Variants in CCDC170 observed in about 807,000 individuals in gnomAD.
CCDC170 encodes the protein coiled-coil domain containing 170, also known as coiled-coil domain-containing protein 170.
Under a neutral mutation model 72.6 loss-of-function variants are expected in CCDC170, and 69 were observed. The observed-to-expected ratio is 0.95, with a 90% CI of 0.78 to 1.16. CCDC170 has a LOEUF of 1.16. Among genes scored for constraint, CCDC170 ranks in the 50% most tolerant of loss-of-function variants. The pLI is 0.00. For synonymous variants in CCDC170, 300 were observed against 303.9 expected (o/e 0.99, Z 0.13); for missense variants, 852 against 832.5 (o/e 1.02, Z -0.29).
intron 5 of CCDC170, among the ~76,000 whole-genome samples, chr6:151,562,671 G>T (rs1776058865): frequency 6.6e-6 from 1 of 152,132 alleles, no homozygotes; most frequent in African/African-American, 2.4e-5. Flanking sequence ...TTATTTTGTG[G>T]AATAGCACTA....
chr6:151,543,779 T>C (rs1782730020), intron 3 of CCDC170, among the ~76,000 whole-genome samples: 2 of 152,234 alleles, frequency 1.3e-5, no homozygotes, highest in Non-Finnish European at 2.9e-5. Context: ...GGTTCATCCA[T>C]ATTGCCACTC....
chr6:151,592,097 C>T (rs1019914678), intron 7 of CCDC170, among the ~76,000 whole-genome samples: 2 of 152,078 alleles, frequency 1.3e-5, no homozygotes, highest in Admixed American at 6.5e-5. Flanking sequence ...GTGGCTCATG[C>T]CTGTAATCCT....
rs186791663 is a variant in CCDC170 at position 151,551,668 on chromosome 6, G to A, written c.774+3179G>A. 2.6e-5 allele frequency among the ~76,000 whole-genome samples: 4 copies of A among 152,234 alleles called. No homozygotes were observed. In the East Asian group the frequency reaches 5.8e-4, roughly 22 times the overall value. On this transcript the variant is annotated intron_variant, in intron 5 of 10. Coordinates refer to ENST00000239374, the MANE Select transcript of CCDC170 (RefSeq NM_025059.4). Reference sequence around the variant, plus strand: ...CTTAGCCTCCTCTCGGGAGGCCCACGTGGTAAGGACCTGAGGCCTGTCAGC... The same window carrying A: ...CTTAGCCTCCTCTCGGGAGGCCCACATGGTAAGGACCTGAGGCCTGTCAGC...
At chr6:151,615,397 C>T (rs1419388848) in intron 9 of CCDC170, 46 bp from the exon 10 acceptor site, 1 of 1,329,472 alleles carries the variant, frequency 7.5e-7, no homozygotes, top group African/African-American at 1.5e-5. Context: ...TACAGTTTTC[C>T]TAACTAAATA....
rs779759710 is a variant in CCDC170, at chr6:151,575,774, C to T, written c.1092+2283C>T. ...CGATCTCTTGACCTTGTGATCCACC[C>T]GCCTCGGCCTCCCAAAGTGCTGGGA... On this transcript the variant is annotated intron_variant, in intron 6 of 10. Coordinates refer to ENST00000239374, the MANE Select transcript of CCDC170 (RefSeq NM_025059.4). 4.0e-4 allele frequency among the ~76,000 whole-genome samples: 61 copies of T among 151,972 alleles called. 1 individual carries two copies. Among genetic ancestry groups the T allele is most frequent in the Non-Finnish European group, 7.8e-4 (53 of 67,976 alleles).
intron 9 of CCDC170, among the ~76,000 whole-genome samples, chr6:151,609,659 G>A (rs752300458): frequency 1.5e-4 from 23 of 152,234 alleles, no homozygotes; most frequent in African/African-American, 4.8e-4. Context: ...ACAGTCTCTC[G>A]CTGAACTCTG....
chr6:151,534,868 C>T (rs1782552359), intron 1 of CCDC170, among the ~76,000 whole-genome samples: 2 of 152,210 alleles, frequency 1.3e-5, no homozygotes, highest in Admixed American at 1.3e-4. Flanking sequence ...ATCGCTGAGC[C>T]TCCTGAGGCC....
At chr6:151,518,616 T>C (rs1782269934) in intron 1 of CCDC170, among the ~76,000 whole-genome samples, 1 of 152,226 alleles carries the variant, frequency 6.6e-6, no homozygotes, top group South Asian at 2.1e-4. Flanking sequence ...ATTTCTTGAT[T>C]ATGTGATAAA....
At chr6:151,607,273 T>C (rs542744449) in intron 9 of CCDC170, among the ~76,000 whole-genome samples, 7 of 152,286 alleles carry the variant, frequency 4.6e-5, no homozygotes, top group African/African-American at 1.4e-4. Context: ...TTTAAACTAT[T>C]TACATTCAAG....
chr6:151,555,718 T>G (rs1438888114), intron 5 of CCDC170, among the ~76,000 whole-genome samples: 1 of 152,244 alleles, frequency 6.6e-6, no homozygotes, highest in African/African-American at 2.4e-5. Context: ...TACTCACTTG[T>G]GAAATTTCAC....
intron 4 of CCDC170, among the ~76,000 whole-genome samples, chr6:151,546,253 G>T (rs957158745): frequency 6.6e-6 from 1 of 152,158 alleles, no homozygotes; most frequent in African/African-American, 2.4e-5. Flanking sequence ...GGTGCTGGAT[G>T]CCTCTCCTCC....
chr6:151,593,250 C>A lies in CCDC170; in HGVS notation c.1437C>A (p.Asn479Lys), dbSNP rs35159094. The A allele has an allele frequency of 5.4e-3, 8,705 of 1,614,040 alleles. 367 individuals carry two copies. The African/African-American group carries it at 0.094, about 18-fold the overall frequency. ...TTGAGAGCAATGCAGTCATTGAGAA[C>A]AAGACCATTGCCCACAATTTGCAGA... ...VRLESNAVIE[N>K]KTIAHNLQRK... The change falls in exon 8 of 11, where the codon AAC becomes AAA. Residue 479 changes from asparagine to lysine, a missense_variant. Transcript: ENST00000239374.
intron 1 of CCDC170, among the ~76,000 whole-genome samples, chr6:151,520,062 C>T (rs528897245): frequency 6.6e-6 from 1 of 152,310 alleles, no homozygotes; most frequent in East Asian, 1.9e-4. Flanking sequence ...CCTCATTTTA[C>T]CCAGCCCCTA....
intron 1 of CCDC170, among the ~76,000 whole-genome samples, chr6:151,510,108 C>G (rs1387463138): frequency 1.3e-5 from 2 of 152,150 alleles, no homozygotes; most frequent in African/African-American, 4.8e-5. Context: ...GAAAGAGACT[C>G]CGTCTCAAAA....
At chr6:151,595,533 C>T (rs1776608264) in intron 8 of CCDC170, among the ~76,000 whole-genome samples, 1 of 152,118 alleles carries the variant, frequency 6.6e-6, no homozygotes, top group Non-Finnish European at 1.5e-5. Flanking sequence ...TATCAACTCT[C>T]AGCCAGGTGT....
intron 9 of CCDC170, among the ~76,000 whole-genome samples, chr6:151,614,941 C>T (rs540804690): frequency 4.6e-5 from 7 of 152,260 alleles, no homozygotes; most frequent in South Asian, 2.1e-4. Flanking sequence ...AGTTAGAAGA[C>T]GCTTCTGAAA....
chr6:151,550,871 G>C (rs879370610), intron 5 of CCDC170, among the ~76,000 whole-genome samples: 2 of 152,092 alleles, frequency 1.3e-5, no homozygotes, highest in Non-Finnish European at 2.9e-5. Flanking sequence ...AACTTCATCT[G>C]AACCTAATCA....
At chr6:151,526,607 C>G (rs1782415148) in intron 1 of CCDC170, among the ~76,000 whole-genome samples, 1 of 151,782 alleles carries the variant, frequency 6.6e-6, no homozygotes. Flanking sequence ...ACTCCGCCTC[C>G]TGGGTCCAAG....
intron 7 of CCDC170, among the ~76,000 whole-genome samples, chr6:151,587,542 C>A (rs773782401): frequency 5.9e-5 from 9 of 152,130 alleles, no homozygotes; most frequent in African/African-American, 1.2e-4. Flanking sequence ...ATGAAAAATG[C>A]CCTAAAGTTG....
Sources: gnomAD v4.1 joint callset for allele counts (sites outside exome capture counted in the v4.1 genomes callset) on GRCh38, gnomAD v4.1.1 for gene constraint, MANE v1.5 for transcripts, NCBI Gene and HGNC (gene_info 2026-07-23, HGNC 2026-07-21) for gene names.